Variants in GNA12 observed in about 807,000 individuals in gnomAD.
GNA12 encodes the protein guanine nucleotide-binding protein subunit alpha-12.
Under a neutral mutation model 26.0 loss-of-function variants are expected in GNA12, and 9 were observed. The ratio of observed to expected loss-of-function variants is 0.35; its 90% confidence interval spans 0.21 to 0.60. GNA12 has a LOEUF of 0.60. Among genes scored for constraint, GNA12 ranks in the 20% least tolerant of loss-of-function variants. GNA12 has a pLI of 0.78. For synonymous variants in GNA12, 264 were observed against 219.6 expected (o/e 1.20, Z -1.79); for missense variants, 405 against 525.8 (o/e 0.77, Z 2.25).
At position 2,742,970 on chromosome 7, in the gene GNA12, G is replaced by A. The variant is rs183702477; in HGVS notation, c.526-9469C>T. On this transcript the variant is annotated intron_variant, in intron 2 of 3. Transcript: ENST00000275364. ...TTCCAGGTGCACACTCACATCACCT[G>A]TGAGCCACAGGCATGGTGGTGTGTG... 4.6e-5 allele frequency among the ~76,000 whole-genome samples: 7 copies of A among 152,340 alleles called. No individual in the cohort carries two copies. The East Asian group carries it at 1.3e-3, about 29-fold the overall frequency.
Position 2,843,987 on chromosome 7 carries a change from T to A in GNA12, c.175A>T (p.Lys59Ter). The change falls in exon 1 of 4, where the codon AAG becomes TAG. Residue 59 changes from lysine to a stop codon, truncating the protein, a stop_gained. Transcript: ENST00000275364. LOFTEE classifies it high-confidence loss of function. ...TCGCCCGCGCCCAGCAGCAGGATCT[T>A]CACCAGGCGCCGGACCGCGCGCCGC... ...RERRAVRRLV[K>*]ILLLGAGESG... The A allele has an allele frequency of 6.3e-7, 1 of 1,579,380 alleles. No individual in the cohort carries two copies. The highest frequency in any genetic ancestry group is 1.1e-5 in the South Asian group (1 of 86,968).
At chr7:2,733,771 G>A (rs1011406360) in intron 2 of GNA12, among the ~76,000 whole-genome samples, 1 of 152,202 alleles carries the variant, frequency 6.6e-6, no homozygotes, top group Non-Finnish European at 1.5e-5. Flanking sequence ...TGTGTGGTGC[G>A]ATGCAGGCCC....
chr7:2,764,046 G>A (rs530259743), intron 2 of GNA12, among the ~76,000 whole-genome samples: 9 of 152,210 alleles, frequency 5.9e-5, no homozygotes, highest in Admixed American at 1.3e-4. Flanking sequence ...CTGCTGTGCT[G>A]GTGTCCTCTG....
At chr7:2,745,314 T>G (rs917400474) in intron 2 of GNA12, among the ~76,000 whole-genome samples, 6 of 152,238 alleles carry the variant, frequency 3.9e-5, no homozygotes, top group Admixed American at 1.3e-4. Flanking sequence ...GACTAACAGC[T>G]GATCTCTTGG....
chr7:2,818,851 T>C (rs1030908345), intron 1 of GNA12, among the ~76,000 whole-genome samples: 3 of 151,670 alleles, frequency 2.0e-5, no homozygotes, highest in Non-Finnish European at 4.4e-5. Flanking sequence ...CGTTTTCACT[T>C]ACTCTCTCTG....
intron 2 of GNA12, among the ~76,000 whole-genome samples, chr7:2,760,161 C>T (rs776758631): frequency 6.6e-6 from 1 of 152,242 alleles, no homozygotes; most frequent in African/African-American, 2.4e-5. Flanking sequence ...TGCTTTCTTC[C>T]CATCGCCCGC....
intron 2 of GNA12, among the ~76,000 whole-genome samples, chr7:2,752,230 C>T (rs1291849412): frequency 6.6e-6 from 1 of 152,130 alleles, no homozygotes; most frequent in Middle Eastern, 3.4e-3. Context: ...AAAAATTCAA[C>T]ACATGCTCAG....
At chr7:2,740,023 C>T (rs1790418820) in intron 2 of GNA12, among the ~76,000 whole-genome samples, 2 of 152,168 alleles carry the variant, frequency 1.3e-5, no homozygotes, top group Non-Finnish European at 2.9e-5. Flanking sequence ...AAGCTGTTCT[C>T]CACGGCGGCT....
In GNA12 at chr7:2,768,367, G is replaced by C. The variant is rs112575436; in HGVS notation, c.525+26561C>G. On this transcript the variant is annotated intron_variant, in intron 2 of 3. Coordinates refer to ENST00000275364, the MANE Select transcript of GNA12 (RefSeq NM_007353.3). ...AAGTCATGTCACTTCATCCAGTGAA[G>C]ATCAGTAGCCTTCCTTTTTGAGGTC... is the stretch of plus-strand genomic sequence containing the variant. Among the ~76,000 whole-genome samples, 551 of 152,342 alleles carry C rather than the reference G, an allele frequency of 3.6e-3. 6 individuals are homozygous for C. The highest frequency in any genetic ancestry group is 4.3e-3 in the Non-Finnish European group (293 of 68,026).
intron 1 of GNA12, among the ~76,000 whole-genome samples, chr7:2,821,084 A>G (rs1224419495): frequency 6.6e-6 from 1 of 152,004 alleles, no homozygotes; most frequent in African/African-American, 2.4e-5. Flanking sequence ...CACAGGAATC[A>G]CTCCCATTTC....
At chr7:2,801,685 C>A (rs1473671766) in intron 1 of GNA12, among the ~76,000 whole-genome samples, 3 of 152,022 alleles carry the variant, frequency 2.0e-5, no homozygotes, top group African/African-American at 4.8e-5. Context: ...ATTTTCCCTT[C>A]CTTTGAAGGA....
intron 2 of GNA12, among the ~76,000 whole-genome samples, chr7:2,786,211 C>A (rs776611122): frequency 3.3e-5 from 5 of 152,220 alleles, no homozygotes; most frequent in Non-Finnish European, 7.3e-5. Flanking sequence ...TGGTTTTCAT[C>A]CCGTGCTATA....
intron 1 of GNA12, among the ~76,000 whole-genome samples, chr7:2,827,777 A>G (rs752458617): frequency 2.6e-5 from 4 of 152,348 alleles, no homozygotes; most frequent in African/African-American, 4.8e-5. Flanking sequence ...ATATTCATGT[A>G]TATCTATCAT....
At chr7:2,839,472 C>T (rs958802507) in intron 1 of GNA12, among the ~76,000 whole-genome samples, 2 of 152,292 alleles carry the variant, frequency 1.3e-5, no homozygotes, top group Non-Finnish European at 2.9e-5. Flanking sequence ...CAACCTATGC[C>T]TCCTAGGTTC....
At position 2,731,608 on chromosome 7, in the gene GNA12, T is replaced by C. The variant is rs1226702362; in HGVS notation, c.719A>G (p.Gln240Arg). The C allele has an allele frequency of 6.2e-7, 1 of 1,613,868 alleles. No individual in the cohort carries two copies. The highest frequency in any genetic ancestry group is 1.3e-5 in the African/African-American group (1 of 74,938). Residue 240 changes from glutamine (Q) to arginine (R), a missense_variant, in exon 4 of 4, where the codon CAG becomes CGG. Physicochemically the swap from Gln to Arg is conservative, Grantham distance 43. Transcript: ENST00000275364. This position sits in a 1 kb window ranked among gnomAD's most constrained non-coding sequence, Gnocchi z 6.0. ...GQRSQRQKWF[Q>R]CFDGITSILF... ...GATGGACGTGATCCCGTCGAAGCACTGGAACCACTTCTGGCGCTGGGACCG... is the reference window on the plus strand; with the variant it reads ...GATGGACGTGATCCCGTCGAAGCACCGGAACCACTTCTGGCGCTGGGACCG...
At chr7:2,841,345 C>T (rs1032379311) in intron 1 of GNA12, among the ~76,000 whole-genome samples, 2 of 152,204 alleles carry the variant, frequency 1.3e-5, no homozygotes, top group African/African-American at 4.8e-5. Flanking sequence ...CTTTCTCCAT[C>T]TACTGAGTTG....
chr7:2,745,090 ACT>A (rs1381668486), intron 2 of GNA12, among the ~76,000 whole-genome samples: 1 of 152,222 alleles, frequency 6.6e-6, no homozygotes. Flanking sequence ...GTTGGAAAAC[ACT>A]CTGCAGGATA....
At chr7:2,791,048 T>C (rs554287851) in intron 2 of GNA12, among the ~76,000 whole-genome samples, 1 of 152,184 alleles carries the variant, frequency 6.6e-6, no homozygotes, top group East Asian at 1.9e-4. Context: ...TTGTAGTATG[T>C]AGGCAATATC....
rs548312550 is a variant in GNA12 at position 2,803,158 on chromosome 7, G to A, written c.310-8015C>T. ...TGGGAGAACTTTCAAAACAAGCGTAGCAGCAAGACAGAGCACGAGCAGATA... is the reference window on the plus strand; with the variant it reads ...TGGGAGAACTTTCAAAACAAGCGTAACAGCAAGACAGAGCACGAGCAGATA... On this transcript the variant is annotated intron_variant, in intron 1 of 3. Coordinates refer to ENST00000275364, the MANE Select transcript of GNA12 (RefSeq NM_007353.3). Among the ~76,000 whole-genome samples the A allele has an allele frequency of 2.0e-5, 3 of 152,346 alleles. No individual in the cohort carries two copies. The South Asian group carries it at 6.2e-4, about 32-fold the overall frequency.
Sources: gnomAD v4.1 joint callset for allele counts (sites outside exome capture counted in the v4.1 genomes callset) on GRCh38, gnomAD v4.1.1 for gene constraint, Gnocchi (gnomAD v3.1) non-coding constraint, MANE v1.5 for transcripts, NCBI Gene and HGNC (gene_info 2026-07-23, HGNC 2026-07-21) for gene names.